MYO3A: variants seen among roughly 807,000 people sequenced by gnomAD.
MYO3A encodes the protein myosin-IIIa.
Under a neutral mutation model 192.7 loss-of-function variants are expected in MYO3A, and 180 were observed. That is an observed-to-expected ratio of 0.93 (90% CI 0.83 to 1.06). MYO3A has a LOEUF of 1.06. MYO3A is among the 50% of genes least tolerant of loss of function. The probability of loss-of-function intolerance (pLI) is 0.00; values close to 1 mark genes in which losing one functional copy is unlikely to be tolerated. For synonymous variants in MYO3A, 628 were observed against 645.3 expected (o/e 0.97, Z 0.41); for missense variants, 1,896 against 1,905.0 (o/e 1.00, Z 0.09).
At chr10:26,099,375 C>T (rs531235060) in intron 17 of MYO3A, among the ~76,000 whole-genome samples, 39 of 152,274 alleles carry the variant, frequency 2.6e-4, no homozygotes, top group African/African-American at 8.9e-4. Context: ...GTTTGACTTC[C>T]TCTTTTCCTA....
chr10:26,030,275 T>C (rs1842745519), intron 10 of MYO3A, among the ~76,000 whole-genome samples: 1 of 152,182 alleles, frequency 6.6e-6, no homozygotes. Context: ...CCCTGTTAGG[T>C]CGTCTCTAAT....
chr10:25,982,648 C>T (rs1035742390), intron 4 of MYO3A, among the ~76,000 whole-genome samples: 1 of 152,296 alleles, frequency 6.6e-6, no homozygotes, highest in East Asian at 1.9e-4. Context: ...AGTACTAACC[C>T]AGAGCCTGGT....
At chr10:26,160,171 G>A (rs1841411897) in intron 26 of MYO3A, among the ~76,000 whole-genome samples, 1 of 152,078 alleles carries the variant, frequency 6.6e-6, no homozygotes, top group Non-Finnish European at 1.5e-5. Flanking sequence ...ATTTTTTAAT[G>A]TATAAGGCAC....
At chr10:26,014,979 C>T (rs1220609941) in intron 6 of MYO3A, among the ~76,000 whole-genome samples, 1 of 152,084 alleles carries the variant, frequency 6.6e-6, no homozygotes, top group Non-Finnish European at 1.5e-5. Flanking sequence ...ATAAAGCCTG[C>T]ATGTTTCTAT....
chr10:26,149,476 C>G (rs910873459), intron 23 of MYO3A, among the ~76,000 whole-genome samples: 2 of 152,114 alleles, frequency 1.3e-5, no homozygotes, highest in Non-Finnish European at 2.9e-5. Context: ...CTCAGGTGAT[C>G]CACCCGCCTC....
intron 26 of MYO3A, among the ~76,000 whole-genome samples, chr10:26,161,135 C>A (rs1040015963): frequency 6.6e-6 from 1 of 152,068 alleles, no homozygotes; most frequent in African/African-American, 2.4e-5. Flanking sequence ...AAGGCTAAAC[C>A]TTTTCTGTGT....
At chr10:25,938,896 T>C (rs538713178) in intron 2 of MYO3A, among the ~76,000 whole-genome samples, 1 of 152,314 alleles carries the variant, frequency 6.6e-6, no homozygotes, top group African/African-American at 2.4e-5. Context: ...GAAGCAGTTA[T>C]TACTAAGGTG....
intron 17 of MYO3A, among the ~76,000 whole-genome samples, chr10:26,108,466 G>A (rs1474829125): frequency 6.6e-6 from 1 of 152,134 alleles, no homozygotes; most frequent in Non-Finnish European, 1.5e-5. Flanking sequence ...ATAAAGTGTA[G>A]AAATGCTAAT....
intron 6 of MYO3A, among the ~76,000 whole-genome samples, chr10:26,013,141 C>T (rs1244890074): frequency 6.6e-6 from 1 of 152,078 alleles, no homozygotes; most frequent in Non-Finnish European, 1.5e-5. Context: ...GGATCAAAGA[C>T]TTAAATATAA....
At chr10:26,184,589 AATCT>A (rs1216367290) in intron 31 of MYO3A, among the ~76,000 whole-genome samples, 1 of 152,036 alleles carries the variant, frequency 6.6e-6, no homozygotes. Flanking sequence ...ATGAGTTTTA[AATCT>A]ATCTTCTTTC....
intron 10 of MYO3A, among the ~76,000 whole-genome samples, chr10:26,064,220 A>G (rs1834675587): frequency 6.6e-6 from 1 of 152,172 alleles, no homozygotes; most frequent in Non-Finnish European, 1.5e-5. Context: ...TGATTAATAT[A>G]ATATTGAAAG....
intron 10 of MYO3A, among the ~76,000 whole-genome samples, chr10:26,034,685 A>G (rs1306233217): frequency 6.6e-6 from 1 of 152,182 alleles, no homozygotes; most frequent in Admixed American, 6.5e-5. Context: ...AAAAGGAGCT[A>G]CAGTTCACAT....
intron 20 of MYO3A, among the ~76,000 whole-genome samples, chr10:26,136,400 TGTAA>T (rs1424295443): frequency 2.6e-5 from 4 of 152,350 alleles, no homozygotes; most frequent in Admixed American, 6.5e-5. Flanking sequence ...GTTCCCCAGG[TGTAA>T]GTTCTGTGAA....
At chr10:26,161,816 C>G (rs1387691769) in intron 26 of MYO3A, among the ~76,000 whole-genome samples, 1 of 151,972 alleles carries the variant, frequency 6.6e-6, no homozygotes, top group African/African-American at 2.4e-5. Context: ...TTACCTATGA[C>G]CTATAGTGGC....
chr10:26,030,191 T>C (rs1460709790), intron 10 of MYO3A, among the ~76,000 whole-genome samples: 1 of 152,214 alleles, frequency 6.6e-6, no homozygotes, highest in African/African-American at 2.4e-5. Flanking sequence ...TCTCCAGGCC[T>C]CTTTTTCCCG....
At chr10:26,063,353 T>G (rs553331488) in intron 10 of MYO3A, among the ~76,000 whole-genome samples, 1 of 152,378 alleles carries the variant, frequency 6.6e-6, no homozygotes, top group Admixed American at 6.5e-5. Flanking sequence ...TTGTTGGTGT[T>G]GCATATAAAA....
intron 4 of MYO3A, among the ~76,000 whole-genome samples, chr10:25,993,236 G>A (rs1016032257): frequency 6.6e-6 from 1 of 152,062 alleles, no homozygotes; most frequent in African/African-American, 2.4e-5. Flanking sequence ...GTTTAGACTT[G>A]GGAGGGTGTA....
chr10:26,122,024 C>G (rs1406540005), intron 18 of MYO3A, among the ~76,000 whole-genome samples: 1 of 152,130 alleles, frequency 6.6e-6, no homozygotes, highest in Non-Finnish European at 1.5e-5. Flanking sequence ...TTCTAATTTT[C>G]CATATTTAAA....
chr10:25,988,806 A>G (rs912881215), intron 4 of MYO3A, among the ~76,000 whole-genome samples: 1 of 152,182 alleles, frequency 6.6e-6, no homozygotes, highest in Non-Finnish European at 1.5e-5. Context: ...AAGAAGCCAA[A>G]TATTTACTCT....
Sources: gnomAD v4.1 joint callset for allele counts (sites outside exome capture counted in the v4.1 genomes callset) on GRCh38, gnomAD v4.1.1 for gene constraint, MANE v1.5 for transcripts, NCBI Gene and HGNC (gene_info 2026-07-23, HGNC 2026-07-21) for gene names.